The following PDE4D variants were observed in gnomAD, a reference collection of about 807,000 sequenced individuals.
PDE4D encodes phosphodiesterase 4D, also known as 3',5'-cyclic-AMP phosphodiesterase 4D.
Under a neutral mutation model 87.4 loss-of-function variants are expected in PDE4D, and 24 were observed. The ratio of observed to expected loss-of-function variants is 0.27; its 90% CI spans 0.20 to 0.39. The LOEUF is 0.39. Among genes scored for constraint, PDE4D ranks in the 10% least tolerant of loss-of-function variants. The pLI is 1.00. For synonymous variants in PDE4D, 384 were observed against 383.2 expected, an observed-to-expected ratio of 1.00 and a Z score of -0.02; for missense variants, 714 against 1,041.0, an observed-to-expected ratio of 0.69 and a Z score of 4.32.
rs554274716 is a variant in PDE4D at position 60,044,809 on chromosome 5, A to G, written c.43-56092T>C. Among the ~76,000 whole-genome samples the G allele has an allele frequency of 1.2e-4, 18 of 152,206 alleles. No individual in the cohort carries two copies. The South Asian group carries it at 2.5e-3, about 21-fold the overall frequency. ...TTCCAAGTCTTTGCTATTGTGAATA[A>G]TGCCACAATAAACATACGTGTGCAT... On this transcript the variant is annotated intron_variant, in intron 2 of 16. Transcript: ENST00000502484.
intron 1 of PDE4D, among the ~76,000 whole-genome samples, chr5:59,738,995 T>A (rs1026674468): frequency 8.5e-5 from 13 of 152,192 alleles, no homozygotes; most frequent in African/African-American, 2.9e-4. Context: ...AAAGCTTTTA[T>A]ATGAATGAAA....
intron 1 of PDE4D, among the ~76,000 whole-genome samples, chr5:60,433,573 A>G (rs902685263): frequency 6.6e-5 from 10 of 152,250 alleles, no homozygotes; most frequent in Non-Finnish European, 1.2e-4. Context: ...ATTATTGGGT[A>G]TGTACCCAAA....
intron 1 of PDE4D, among the ~76,000 whole-genome samples, chr5:59,606,736 C>A (rs1293129148): frequency 6.6e-6 from 1 of 152,128 alleles, no homozygotes; most frequent in Non-Finnish European, 1.5e-5. Context: ...ACTTGACTTG[C>A]CTTTCCTCAT....
At chr5:59,671,402 C>T (rs192943372) in intron 1 of PDE4D, among the ~76,000 whole-genome samples, 1 of 152,142 alleles carries the variant, frequency 6.6e-6, no homozygotes, top group Non-Finnish European at 1.5e-5. Context: ...GGGTGAGTAG[C>T]AGGGGATAAA....
At chr5:59,701,351 T>C (rs1353890221) in intron 1 of PDE4D, among the ~76,000 whole-genome samples, 1 of 152,166 alleles carries the variant, frequency 6.6e-6, no homozygotes, top group African/African-American at 2.4e-5. Flanking sequence ...AATATTTGCT[T>C]CCCCTGCTCC....
chr5:59,326,665 C>T (rs764962590), intron 1 of PDE4D, among the ~76,000 whole-genome samples: 9 of 152,120 alleles, frequency 5.9e-5, no homozygotes, highest in Non-Finnish European at 1.3e-4. Flanking sequence ...TTCAACAGCT[C>T]TCCTCACATT....
intron 1 of PDE4D, among the ~76,000 whole-genome samples, chr5:59,530,215 C>T (rs1172399002): frequency 6.6e-6 from 1 of 152,068 alleles, no homozygotes; most frequent in African/African-American, 2.4e-5. Context: ...TCTATTGACA[C>T]AGATCATAAA....
intron 1 of PDE4D, among the ~76,000 whole-genome samples, chr5:59,234,345 C>T (rs1415195516): frequency 1.3e-5 from 2 of 151,868 alleles, no homozygotes; most frequent in Non-Finnish European, 2.9e-5. Flanking sequence ...TCCCACTTAT[C>T]CTCTTTTAAA....
chr5:59,185,807 C>A (rs1295745157), intron 3 of PDE4D, among the ~76,000 whole-genome samples: 1 of 152,130 alleles, frequency 6.6e-6, no homozygotes, highest in Non-Finnish European at 1.5e-5. Flanking sequence ...TTGTAAGAAG[C>A]TCTCAGGGAT....
intron 5 of PDE4D, among the ~76,000 whole-genome samples, chr5:59,049,498 G>A (rs747126598): frequency 2.0e-5 from 3 of 152,024 alleles, no homozygotes; most frequent in Non-Finnish European, 4.4e-5. Flanking sequence ...TTACTGAAGT[G>A]AAATATTAAC....
chr5:60,037,641 G>A (rs903486641), intron 2 of PDE4D, among the ~76,000 whole-genome samples: 62 of 152,286 alleles, frequency 4.1e-4, no homozygotes, highest in African/African-American at 1.4e-3. Flanking sequence ...GAGAAGACAG[G>A]TGATTCTAAA....
chr5:59,890,592 A>G (rs909918977), intron 1 of PDE4D, among the ~76,000 whole-genome samples: 2 of 152,218 alleles, frequency 1.3e-5, no homozygotes, highest in African/African-American at 4.8e-5. Flanking sequence ...ATCAGTCGAT[A>G]TAAACTTCAC....
At chr5:60,482,639 T>C (rs572094754) in intron 1 of PDE4D, among the ~76,000 whole-genome samples, 4 of 152,332 alleles carry the variant, frequency 2.6e-5, no homozygotes, top group Admixed American at 2.0e-4. Flanking sequence ...ATACTCACTT[T>C]AGGCTTTGAT....
intron 1 of PDE4D, among the ~76,000 whole-genome samples, chr5:59,696,668 G>A (rs1457538050): frequency 6.6e-6 from 1 of 152,168 alleles, no homozygotes; most frequent in African/African-American, 2.4e-5. Context: ...GAATACAATA[G>A]AGCAAAAAAC....
chr5:59,135,790 T>G (rs1286959198), intron 5 of PDE4D, among the ~76,000 whole-genome samples: 2 of 152,212 alleles, frequency 1.3e-5, no homozygotes, highest in Non-Finnish European at 2.9e-5. Context: ...AAGATATGTT[T>G]TGGCATTCAT....
intron 1 of PDE4D, among the ~76,000 whole-genome samples, chr5:60,439,934 A>T (rs1375156767): frequency 6.6e-6 from 1 of 151,974 alleles, no homozygotes; most frequent in Non-Finnish European, 1.5e-5. Flanking sequence ...AAAACAAAAA[A>T]AAAAAACCCT....
chr5:59,928,508 G>A (rs1195717151), intron 3 of PDE4D, among the ~76,000 whole-genome samples: 5 of 152,054 alleles, frequency 3.3e-5, no homozygotes, highest in Non-Finnish European at 7.4e-5. Context: ...AACCCAGGCG[G>A]TGGAGGTCGC....
At chr5:60,328,527 A>G (rs769592787) in intron 1 of PDE4D, among the ~76,000 whole-genome samples, 3 of 152,186 alleles carry the variant, frequency 2.0e-5, no homozygotes, top group African/African-American at 2.4e-5. Flanking sequence ...ATATTTCACT[A>G]TATATTTGCT....
At chr5:60,141,624 C>A (rs1780544226) in intron 2 of PDE4D, among the ~76,000 whole-genome samples, 1 of 152,112 alleles carries the variant, frequency 6.6e-6, no homozygotes, top group South Asian at 2.1e-4. Flanking sequence ...ACGTGCTTCA[C>A]CTGATCCTGG....
Sources: allele counts gnomAD v4.1 joint callset (sites outside exome capture counted in the v4.1 genomes callset), GRCh38; gene constraint gnomAD v4.1.1; transcripts MANE v1.5; gene names NCBI Gene and HGNC (gene_info 2026-07-23, HGNC 2026-07-21).